Variants in SOX6 observed in about 807,000 individuals in gnomAD.
SOX6 encodes SRY-box transcription factor 6, also known as transcription factor SOX-6.
A neutral mutation model predicts 97.8 loss-of-function variants in SOX6; 11 were observed. That is an observed-to-expected ratio of 0.11 (90% CI 0.07 to 0.19). The LOEUF (loss-of-function observed/expected upper bound fraction) is 0.19, where lower values mean the gene tolerates loss of function less well. SOX6 is among the 10% of genes least tolerant of loss of function. The probability of loss-of-function intolerance (pLI) is 1.00; values close to 1 mark genes in which losing one functional copy is unlikely to be tolerated. For synonymous variants in SOX6, 360 were observed against 371.4 expected, an observed-to-expected ratio of 0.97 and a Z score of 0.35; for missense variants, 810 against 1,039.5, an observed-to-expected ratio of 0.78 and a Z score of 3.04.
Position 15,969,073 on chromosome 11 carries a change from A to ATTTTTT in SOX6, c.*3730_*3735dup, listed in dbSNP as rs60907927. 2.2e-5 allele frequency: 2 copies of ATTTTTT among 90,616 alleles called. No individual in the cohort carries two copies. Among genetic ancestry groups the ATTTTTT allele is most frequent in the Non-Finnish European group, 5.0e-5 (2 of 40,072 alleles). 5.6% of individuals were successfully genotyped at this position (90,616 alleles called of 1,614,324 possible). A position where few individuals can be genotyped will look rare whatever the true frequency, so the allele number is the denominator to read the frequency against. On this transcript the variant is annotated 3_prime_UTR_variant, in exon 16 of 16. Transcript: ENST00000683767. ...CCTTTTCCTTCCATTCCATATGGCT[A>ATTTTTT]TTTTTTTTTTTTTTTTTTTTTGGGA... is the stretch of plus-strand genomic sequence containing the variant.
chr11:16,362,809 C>A (rs1590159438), intron 1 of SOX6, among the ~76,000 whole-genome samples: 1 of 152,070 alleles, frequency 6.6e-6, no homozygotes, highest in South Asian at 2.1e-4. Context: ...TTTCTCAGAA[C>A]CAGAACATAG....
At chr11:16,047,701 CGTGTGTGTGTGTGTGTGTGTGT>C (rs68008241) in intron 11 of SOX6, among the ~76,000 whole-genome samples, 28 of 146,014 alleles carry the variant, frequency 1.9e-4, no homozygotes, top group Middle Eastern at 3.5e-3. Flanking sequence ...CATTTCATAG[CGTGTGTGTGTGTGTGTGTGTGT>C]GTGTGTGTGT....
intron 7 of SOX6, among the ~76,000 whole-genome samples, chr11:16,099,131 C>T (rs2133977880): frequency 6.6e-6 from 1 of 151,916 alleles, no homozygotes; most frequent in African/African-American, 2.4e-5. Context: ...TGCTACAATG[C>T]ATTCACTAAC....
At chr11:16,361,400 T>C (rs1857208407), upstream of SOX6, among the ~76,000 whole-genome samples, 1 of 152,112 alleles carries the variant, frequency 6.6e-6, no homozygotes, top group African/African-American at 2.4e-5. Flanking sequence ...CTATAAACAC[T>C]GGAAAAGATA....
chr11:16,706,449 C>CCAAAAAAAAAA (rs1848132938), intron 3 of SOX6, among the ~76,000 whole-genome samples: 3 of 2,450 alleles, frequency 1.2e-3, no homozygotes, highest in African/African-American at 4.8e-3. Context: ...GAACCTATCA[C>CCAAAAAAAAAA]AAAAAAAAAA....
chr11:16,480,791 T>C (rs1033529870), upstream of SOX6, among the ~76,000 whole-genome samples: 2 of 152,290 alleles, frequency 1.3e-5, no homozygotes, highest in Middle Eastern at 6.8e-3. Context: ...AAAACACCTG[T>C]AACAAATTTT....
chr11:16,061,487 CA>C (rs1336003906), intron 9 of SOX6, among the ~76,000 whole-genome samples: 1 of 151,524 alleles, frequency 6.6e-6, no homozygotes, highest in Non-Finnish European at 1.5e-5. Context: ...TTTAGAGATT[CA>C]ATTCAATCTC....
intron 1 of SOX6, among the ~76,000 whole-genome samples, chr11:16,346,655 GA>G (rs1856784907): frequency 6.6e-6 from 1 of 152,002 alleles, no homozygotes; most frequent in South Asian, 2.1e-4. Context: ...ACTGTTTTCA[GA>G]ATTACCTTGG....
chr11:16,554,562 T>C (rs1181116428), intron 4 of SOX6, among the ~76,000 whole-genome samples: 2 of 152,086 alleles, frequency 1.3e-5, no homozygotes, highest in Non-Finnish European at 2.9e-5. Flanking sequence ...CAGCTAATTA[T>C]ATAGTGTTTC....
intron 2 of SOX6, among the ~76,000 whole-genome samples, chr11:16,716,637 T>C (rs1160627100): frequency 6.6e-6 from 1 of 152,032 alleles, no homozygotes; most frequent in Non-Finnish European, 1.5e-5. Flanking sequence ...TATACAAAAA[T>C]GTTCATAGCA....
upstream of SOX6, among the ~76,000 whole-genome samples, chr11:16,476,657 G>C (rs12289773): frequency 8.0e-4 from 122 of 152,088 alleles, no homozygotes; most frequent in African/African-American, 2.8e-3. Context: ...AAATAAGTAA[G>C]AACAAAAGGG....
chr11:16,725,723 G>A (rs1258997593), intron 2 of SOX6, among the ~76,000 whole-genome samples: 3 of 152,050 alleles, frequency 2.0e-5, no homozygotes, highest in Non-Finnish European at 4.4e-5. Context: ...TCATTTGGAT[G>A]AAGAAAGAAA....
chr11:16,711,947 T>C (rs1374223355), intron 3 of SOX6, among the ~76,000 whole-genome samples: 1 of 152,182 alleles, frequency 6.6e-6, no homozygotes. Context: ...AGCTCCCACA[T>C]ATCAGTGAGA....
chr11:16,257,150 A>T (rs1240977339), intron 3 of SOX6, among the ~76,000 whole-genome samples: 2 of 151,910 alleles, frequency 1.3e-5, no homozygotes, highest in Admixed American at 6.6e-5. Context: ...TGATCTATAG[A>T]TTCAATGCAA....
rs557279297 is a variant in SOX6 at position 16,504,240 on chromosome 11, G to C, written n.610-27852C>G. Among the ~76,000 whole-genome samples the C allele has an allele frequency of 2.6e-5, 4 of 151,982 alleles. No individual in the cohort carries two copies. In the South Asian group the frequency reaches 8.3e-4, roughly 32 times the overall value. ...ATTCAACATAATACTGAAAGTCCTA[G>C]CCAGAACAATTAGGCAAGAAAAAGG... On this transcript the variant is annotated intron_variant and non_coding_transcript_variant, in intron 4 of 5. Coordinates refer to the SOX6 transcript ENST00000524520.
At chr11:16,709,361 T>C (rs1848160108) in intron 3 of SOX6, among the ~76,000 whole-genome samples, 4 of 151,912 alleles carry the variant, frequency 2.6e-5, no homozygotes. Flanking sequence ...CCACTAAAAA[T>C]ACAAAAATTA....
At chr11:16,407,794 C>A (rs930612647) in intron 1 of SOX6, among the ~76,000 whole-genome samples, 2 of 151,894 alleles carry the variant, frequency 1.3e-5, no homozygotes, top group Non-Finnish European at 2.9e-5. Context: ...TAAAGGCCAG[C>A]AAAGCTCAAT....
intron 2 of SOX6, among the ~76,000 whole-genome samples, chr11:16,326,184 G>A (rs1856083584): frequency 6.6e-6 from 1 of 152,134 alleles, no homozygotes; most frequent in Non-Finnish European, 1.5e-5. Context: ...CCATGTGAGA[G>A]TTGTTCAAAT....
chr11:16,260,746 C>T (rs544748207), intron 3 of SOX6, among the ~76,000 whole-genome samples: 94 of 152,262 alleles, frequency 6.2e-4, no homozygotes, highest in African/African-American at 2.2e-3. Flanking sequence ...GTTTCTCCAA[C>T]CTTTAATTTC....
Sources: gnomAD v4.1 joint callset for allele counts (sites outside exome capture counted in the v4.1 genomes callset) on GRCh38, gnomAD v4.1.1 for gene constraint, MANE v1.5 for transcripts, NCBI Gene and HGNC (gene_info 2026-07-23, HGNC 2026-07-21) for gene names.